Variants in CNTN3 observed in about 807,000 individuals in gnomAD.
CNTN3 encodes the protein contactin-3.
A neutral mutation model predicts 119.1 loss-of-function variants in CNTN3; 60 were observed. The observed-to-expected ratio is 0.50, with a 90% confidence interval of 0.41 to 0.62. The LOEUF (loss-of-function observed/expected upper bound fraction) is 0.62, where lower values mean the gene tolerates loss of function less well. Among genes scored for constraint, CNTN3 ranks in the 20% least tolerant of loss-of-function variants. The pLI is 0.00. For missense variants in CNTN3, 1,101 were observed against 1,242.4 expected, an observed-to-expected ratio of 0.89 and a Z score of 1.71; for synonymous variants, 450 against 438.7, an observed-to-expected ratio of 1.03 and a Z score of -0.32.
Position 74,364,448 on chromosome 3 carries a change from C to T in CNTN3, c.1213+19G>A, listed in dbSNP as rs766272670. On this transcript the variant is annotated intron_variant, in intron 10 of 22. Transcript: ENST00000263665. Reference sequence around the variant, plus strand: ...TTAAGACAAAAAATTAAGAGAAGAGCAGAGAAAATCAGCCTTACCAACAAC... The same window carrying T: ...TTAAGACAAAAAATTAAGAGAAGAGTAGAGAAAATCAGCCTTACCAACAAC... 6.2e-7 allele frequency: 1 copy of T among 1,602,150 alleles called. No individual in the cohort carries two copies. The highest frequency in any genetic ancestry group is 1.1e-5 in the South Asian group (1 of 89,580).
At position 74,465,985 on chromosome 3, in the gene CNTN3, A is replaced by T. The variant is rs551972195; in HGVS notation, c.358+20471T>A. On this transcript the variant is annotated intron_variant, in intron 4 of 22. Coordinates refer to ENST00000263665, the MANE Select transcript of CNTN3 (RefSeq NM_020872.3). ...GTTTGAACCCCTGGATCCAGCTAGG[A>T]CTATAGCCAATTTACCCAAGACTTT... 1.6e-4 allele frequency among the ~76,000 whole-genome samples: 24 copies of T among 152,276 alleles called. 1 individual carries two copies. The South Asian group carries it at 3.7e-3, about 24-fold the overall frequency.
intron 2 of CNTN3, among the ~76,000 whole-genome samples, chr3:74,517,179 T>C (rs1225252139): frequency 1.3e-5 from 2 of 151,948 alleles, no homozygotes; most frequent in Non-Finnish European, 2.9e-5. Context: ...TGCTTCAAGA[T>C]ACCCACCTTT....
At chr3:74,493,802 A>G (rs564922408) in intron 3 of CNTN3, among the ~76,000 whole-genome samples, 2 of 152,318 alleles carry the variant, frequency 1.3e-5, no homozygotes, top group South Asian at 4.1e-4. Context: ...TTATCCAAAA[A>G]TAACTAGTTA....
chr3:74,316,309 T>A (rs956848544), intron 13 of CNTN3, among the ~76,000 whole-genome samples: 1 of 152,084 alleles, frequency 6.6e-6, no homozygotes, highest in African/African-American at 2.4e-5. Flanking sequence ...CCAGTAAGAA[T>A]GGCTTTTGTT....
chr3:74,592,668 T>A (rs1357693947), intron 1 of CNTN3, among the ~76,000 whole-genome samples: 1 of 151,962 alleles, frequency 6.6e-6, no homozygotes. Flanking sequence ...AAAATCTTGA[T>A]AGAAATTTCC....
intron 1 of CNTN3, among the ~76,000 whole-genome samples, chr3:74,578,349 G>A (rs1704450999): frequency 6.6e-6 from 1 of 151,986 alleles, no homozygotes; most frequent in Non-Finnish European, 1.5e-5. Context: ...AAAATTTAAA[G>A]TAACAAACAA....
chr3:74,378,838 T>C (rs1386399052), intron 5 of CNTN3, among the ~76,000 whole-genome samples: 2 of 152,194 alleles, frequency 1.3e-5, no homozygotes, highest in African/African-American at 2.4e-5. Flanking sequence ...ATTTTATTTT[T>C]TCCCTTCTTG....
rs59223804 is a variant in CNTN3 at position 74,366,780 on chromosome 3, G to GTATATATA, written c.947-1086_947-1079dup. Among the ~76,000 whole-genome samples, 396 of 63,662 alleles carry GTATATATA rather than the reference G, an allele frequency of 6.2e-3. 22 individuals are homozygous for GTATATATA. The highest frequency in any genetic ancestry group is 0.025 in the African/African-American group (299 of 11,752). 41.8% of individuals were successfully genotyped at this position (63,662 alleles called of 152,430 possible). ...TGTGCGTGTGTGTGTGTGTGTGTGT[G>GTATATATA]TATATATATATATATATATATATAT... On this transcript the variant is annotated intron_variant, in intron 8 of 22. Coordinates refer to ENST00000263665, the MANE Select transcript of CNTN3 (RefSeq NM_020872.3).
chr3:74,307,371 T>A (rs914500997), intron 13 of CNTN3, among the ~76,000 whole-genome samples: 1 of 152,198 alleles, frequency 6.6e-6, no homozygotes, highest in Non-Finnish European at 1.5e-5. Context: ...TATTTGTCCA[T>A]CTAATCACAC....
intron 1 of CNTN3, among the ~76,000 whole-genome samples, chr3:74,588,254 A>G (rs1226496269): frequency 1.3e-5 from 2 of 152,172 alleles, no homozygotes; most frequent in Admixed American, 6.5e-5. Context: ...CAACTTCAGC[A>G]AACTCTCAGG....
At chr3:74,423,561 C>T (rs1559594406) in intron 5 of CNTN3, among the ~76,000 whole-genome samples, 1 of 152,206 alleles carries the variant, frequency 6.6e-6, no homozygotes, top group Non-Finnish European at 1.5e-5. Context: ...TAAAACCTCA[C>T]AGTGCTACCA....
At chr3:74,469,311 G>A (rs570655926) in intron 4 of CNTN3, among the ~76,000 whole-genome samples, 27 of 152,110 alleles carry the variant, frequency 1.8e-4, no homozygotes, top group African/African-American at 5.3e-4. Flanking sequence ...TTTTAACCCC[G>A]CTAGAAGACT....
At chr3:74,444,220 C>A (rs1031673509) in intron 4 of CNTN3, among the ~76,000 whole-genome samples, 5 of 152,010 alleles carry the variant, frequency 3.3e-5, no homozygotes, top group African/African-American at 1.2e-4. Flanking sequence ...TCTGCAACAA[C>A]CCTATTTTCA....
intron 7 of CNTN3, 151 bp from the exon 8 acceptor site, chr3:74,369,524 TTTAAC>T (rs1431796693): frequency 7.4e-6 from 4 of 538,504 alleles, no homozygotes; most frequent in East Asian, 6.5e-5. Flanking sequence ...ATAAAAAAGA[TTTAAC>T]TTAACTCTTT....
At chr3:74,356,160 G>A (rs1703929884) in intron 11 of CNTN3, among the ~76,000 whole-genome samples, 2 of 152,010 alleles carry the variant, frequency 1.3e-5, no homozygotes, top group South Asian at 4.2e-4. Context: ...GCAGCAACAA[G>A]GCCCCATCTA....
At chr3:74,275,574 G>T (rs1701862734) in intron 20 of CNTN3, among the ~76,000 whole-genome samples, 1 of 152,016 alleles carries the variant, frequency 6.6e-6, no homozygotes, top group Non-Finnish European at 1.5e-5. Context: ...GAAAGATACA[G>T]TCTTTTTTCA....
intron 5 of CNTN3, among the ~76,000 whole-genome samples, chr3:74,418,844 A>AATG (rs759489021): frequency 2.9e-4 from 44 of 151,756 alleles, no homozygotes; most frequent in Non-Finnish European, 4.1e-4. Context: ...GCTGGAGTGC[A>AATG]ATGGTGCGAT....
intron 4 of CNTN3, among the ~76,000 whole-genome samples, chr3:74,461,055 T>C (rs1288437598): frequency 2.6e-5 from 4 of 151,738 alleles, no homozygotes; most frequent in African/African-American, 7.2e-5. Flanking sequence ...TTATCATGTA[T>C]AGGTATTGAA....
At chr3:74,459,955 GT>G (rs1702335873) in intron 4 of CNTN3, among the ~76,000 whole-genome samples, 1 of 151,902 alleles carries the variant, frequency 6.6e-6, no homozygotes, top group Non-Finnish European at 1.5e-5. Flanking sequence ...GCACACAGTG[GT>G]TTCAAATATT....
Sources: allele counts gnomAD v4.1 joint callset (sites outside exome capture counted in the v4.1 genomes callset), GRCh38; gene constraint gnomAD v4.1.1; transcripts MANE v1.5; gene names NCBI Gene and HGNC (gene_info 2026-07-23, HGNC 2026-07-21).